The following PCDH7 variants were observed in gnomAD, a reference collection of about 807,000 sequenced individuals.
PCDH7 encodes protocadherin-7.
Under a neutral mutation model 58.9 loss-of-function variants are expected in PCDH7, and 17 were observed. That is an observed-to-expected ratio of 0.29 (90% CI 0.20 to 0.43). The LOEUF is 0.43. PCDH7 is among the 20% of genes least tolerant of loss of function. The pLI, the probability that PCDH7 is intolerant of heterozygous loss-of-function variation, is 1.00. For synonymous variants in PCDH7, 664 were observed against 616.4 expected, an observed-to-expected ratio of 1.08 and a Z score of -1.14; for missense variants, 1,274 against 1,441.0, an observed-to-expected ratio of 0.88 and a Z score of 1.88.
rs570945808 is a variant in PCDH7 at position 30,780,510 on chromosome 4, G to GA, written c.70+55928dup. Among the ~76,000 whole-genome samples the GA allele has an allele frequency of 2.4e-3, 254 of 107,074 alleles. 1 individual carries two copies. Among genetic ancestry groups the GA allele is most frequent in the Non-Finnish European group, 2.8e-3 (137 of 49,402 alleles). 70.2% of individuals were successfully genotyped at this position (107,074 alleles called of 152,430 possible). On this transcript the variant is annotated intron_variant, in intron 1 of 3. Coordinates refer to the PCDH7 transcript ENST00000509759. ...TGACAGAGCAAGACTCCGTCGAAAA[G>GA]AAAAAAAAAAAAAAGCAAGAAACAA...
chr4:30,991,326 A>G (rs1436883222), intron 3 of PCDH7, among the ~76,000 whole-genome samples: 2 of 152,164 alleles, frequency 1.3e-5, no homozygotes, highest in Non-Finnish European at 2.9e-5. Context: ...ACTGGATCCT[A>G]TGAAAGATAA....
intron 3 of PCDH7, among the ~76,000 whole-genome samples, chr4:30,970,897 C>T (rs58637784): frequency 0.2 from 30,982 of 152,058 alleles, 3,601 homozygotes; most frequent in Admixed American, 0.26. Flanking sequence ...TTTTATGTTC[C>T]TCATGTGCAA....
rs116775743 is a variant in PCDH7, at chr4:31,073,390, T to C, written c.*8-69083T>C. The stretch of plus-strand genomic sequence containing the variant: ...ATCTTAGACCAAGTAGAGATTATAA[T>C]GTGTCAATCATTACAAAGAACTGAA... On this transcript the variant is annotated intron_variant, in intron 3 of 3. Coordinates refer to the PCDH7 transcript ENST00000509759. Among the ~76,000 whole-genome samples the C allele has an allele frequency of 8.4e-3, 1,276 of 152,310 alleles. 21 individuals are homozygous for C. The highest frequency in any genetic ancestry group is 0.029 in the African/African-American group (1,191 of 41,578).
chr4:30,730,691 T>G, intron 1 of PCDH7: 1 of 1,307,370 alleles, frequency 7.6e-7, no homozygotes, highest in Middle Eastern at 1.9e-4. Context: ...CATAAGACAC[T>G]GGGGAAAATT....
intron 3 of PCDH7, among the ~76,000 whole-genome samples, chr4:30,959,763 G>A (rs1341953220): frequency 6.6e-6 from 1 of 152,032 alleles, no homozygotes. Flanking sequence ...TTTTATCTTA[G>A]TTTACAGTAC....
chr4:30,806,582 G>A (rs537532679), intron 1 of PCDH7, among the ~76,000 whole-genome samples: 2 of 151,762 alleles, frequency 1.3e-5, no homozygotes, highest in East Asian at 2.0e-4. Flanking sequence ...GGAATTACAG[G>A]CGTGAGCCAC....
At chr4:30,993,620 C>T (rs1231361940) in intron 3 of PCDH7, among the ~76,000 whole-genome samples, 2 of 151,784 alleles carry the variant, frequency 1.3e-5, no homozygotes, top group East Asian at 3.9e-4. Context: ...TTTGATACTG[C>T]TTTACAAGAA....
chr4:30,838,943 T>A (rs1730870890), intron 1 of PCDH7, among the ~76,000 whole-genome samples: 1 of 152,084 alleles, frequency 6.6e-6, no homozygotes, highest in African/African-American at 2.4e-5. Context: ...CTACCTTCCT[T>A]CCTTCCATCC....
intron 1 of PCDH7, among the ~76,000 whole-genome samples, chr4:30,808,158 T>C (rs1726497439): frequency 6.6e-6 from 1 of 152,152 alleles, no homozygotes; most frequent in Non-Finnish European, 1.5e-5. Flanking sequence ...ACAAACAGAC[T>C]GAAAACAGGT....
chr4:30,789,461 G>C (rs1162963197), intron 1 of PCDH7, among the ~76,000 whole-genome samples: 1 of 151,950 alleles, frequency 6.6e-6, no homozygotes, highest in Non-Finnish European at 1.5e-5. Flanking sequence ...AGAAAGTCTT[G>C]TGACTTTTAA....
chr4:31,070,701 T>C (rs925150917), intron 3 of PCDH7, among the ~76,000 whole-genome samples: 1 of 152,110 alleles, frequency 6.6e-6, no homozygotes, highest in Non-Finnish European at 1.5e-5. Flanking sequence ...AGAATTGTTT[T>C]ATATATTTAG....
chr4:31,137,254 T>C (rs1719713105), intron 3 of PCDH7, among the ~76,000 whole-genome samples: 2 of 152,320 alleles, frequency 1.3e-5, no homozygotes, highest in Admixed American at 1.3e-4. Context: ...CATGTGGTTT[T>C]GTTTTGTGTT....
intron 3 of PCDH7, among the ~76,000 whole-genome samples, chr4:31,087,164 A>G (rs192722549): frequency 1.4e-4 from 22 of 152,254 alleles, no homozygotes; most frequent in Middle Eastern, 3.4e-3. Context: ...ATAAACATAC[A>G]GCAGGTAGTC....
intron 1 of PCDH7, among the ~76,000 whole-genome samples, chr4:30,778,186 G>T (rs1488491197): frequency 6.6e-6 from 1 of 151,924 alleles, no homozygotes; most frequent in Non-Finnish European, 1.5e-5. Context: ...TTAACAAAAA[G>T]TGAGCAGAGA....
At chr4:31,058,972 G>A (rs1443389694) in intron 3 of PCDH7, among the ~76,000 whole-genome samples, 1 of 151,962 alleles carries the variant, frequency 6.6e-6, no homozygotes, top group African/African-American at 2.4e-5. Context: ...TTTTTATTGG[G>A]TAAAAGTCAT....
At chr4:31,065,929 T>A (rs749581877) in intron 3 of PCDH7, among the ~76,000 whole-genome samples, 14 of 151,956 alleles carry the variant, frequency 9.2e-5, no homozygotes, top group African/African-American at 3.4e-4. Flanking sequence ...ATTTTGGTAA[T>A]GGAGGTGACA....
At chr4:30,937,798 G>A (rs1279380344) in intron 2 of PCDH7, among the ~76,000 whole-genome samples, 2 of 151,688 alleles carry the variant, frequency 1.3e-5, no homozygotes, top group African/African-American at 4.8e-5. Context: ...GGTATTATGG[G>A]ATTTTTATTT....
At chr4:30,815,702 A>C (rs1052973708) in intron 1 of PCDH7, among the ~76,000 whole-genome samples, 1 of 152,258 alleles carries the variant, frequency 6.6e-6, no homozygotes. Flanking sequence ...TTTGCCTCTT[A>C]GTGCACATGT....
intron 1 of PCDH7, chr4:30,724,831 A>T (rs1560302913): frequency 7.4e-7 from 1 of 1,352,420 alleles, no homozygotes; most frequent in East Asian, 2.8e-5. Context: ...AAGTATTCAG[A>T]GTAGGCAGTG....
Sources: allele counts gnomAD v4.1 joint callset (sites outside exome capture counted in the v4.1 genomes callset), GRCh38; gene constraint gnomAD v4.1.1; transcripts MANE v1.5; gene names NCBI Gene and HGNC (gene_info 2026-07-23, HGNC 2026-07-21).